The following PZP variants were observed in gnomAD, a reference collection of about 807,000 sequenced individuals.
The protein encoded by PZP is PZP alpha-2-macroglobulin like.
In PZP, 150 loss-of-function variants were observed where a neutral mutation model predicts 179.8. The ratio of observed to expected loss-of-function variants is 0.83; its 90% CI spans 0.73 to 0.96. The LOEUF (loss-of-function observed/expected upper bound fraction) is 0.96. Among genes scored for constraint, PZP ranks in the 40% least tolerant of loss-of-function variants. The pLI is 0.00. For synonymous variants in PZP, 624 were observed against 652.3 expected (o/e 0.96, Z 0.66); for missense variants, 1,689 against 1,764.0 (o/e 0.96, Z 0.76).
Position 9,203,778 on chromosome 12 carries a change from A to G in PZP, c.257T>C (p.Val86Ala). ...CACCGTAGCACTCACAGTGAAGGAG[A>G]CACAGTGGAATAAGTCCTTCTCCGC... ...LVAEKDLFHCVSFTLPRISAS... is the reference protein window; with the variant it reads ...LVAEKDLFHCASFTLPRISAS... The change falls in exon 2 of 36, where the codon GTC becomes GCC. Residue 86 changes from valine to alanine, a missense_variant. By Grantham distance (64) the Val-to-Ala change is moderately conservative. Around this residue, in one of 3 missense-constraint regions of PZP, gnomAD observed 742 missense variants for 730.5 expected, o/e 1.02. Coordinates refer to ENST00000261336, the MANE Select transcript of PZP (RefSeq NM_002864.3). 2 of 1,614,070 alleles carry G rather than the reference A, an allele frequency of 1.2e-6. No individual in the cohort carries two copies. The highest frequency in any genetic ancestry group is 1.7e-6 in the Non-Finnish European group (2 of 1,179,992).
chr12:9,176,973 G>C (rs983665492), intron 15 of PZP, among the ~76,000 whole-genome samples: 2 of 152,210 alleles, frequency 1.3e-5, no homozygotes, highest in Non-Finnish European at 2.9e-5. Flanking sequence ...ATTTTACAAT[G>C]AGAATCTCAG....
Position 9,160,415 on chromosome 12 carries a change from A to G in PZP, c.2948T>C (p.Met983Thr), listed in dbSNP as rs1294842683. 3.1e-6 allele frequency: 5 copies of G among 1,613,892 alleles called. No homozygotes were observed. Among genetic ancestry groups the G allele is most frequent in the Non-Finnish European group, 3.4e-6 (4 of 1,179,886 alleles). ...QMPYGCGEQN[M>T]VLFAPNIYVL... ...ATAGATGTTAGGAGCAAATAGGACC[A>G]TGTTCTGTTCTCCACAGCCATATGG... Residue 983 changes from methionine to threonine, a missense_variant, in exon 24 of 36, where the codon ATG becomes ACG. By Grantham distance (81) the Met-to-Thr change is moderately conservative (BLOSUM62 -1). Around this residue, in one of 3 missense-constraint regions of PZP, gnomAD observed 746 missense variants for 749.2 expected, o/e 1.00. Coordinates refer to ENST00000261336, the MANE Select transcript of PZP (RefSeq NM_002864.3).
At chr12:9,158,332 C>G in intron 26 of PZP, 88 bp downstream of exon 26, 1 of 1,522,316 alleles carries the variant, frequency 6.6e-7, no homozygotes, top group Non-Finnish European at 9.0e-7. Context: ...TTCATCTTTG[C>G]AATTTCCTTG....
chr12:9,180,336 C>T (rs767227562), intron 15 of PZP, among the ~76,000 whole-genome samples: 7 of 152,152 alleles, frequency 4.6e-5, no homozygotes, highest in South Asian at 2.1e-4. Context: ...GAGCCCGCAT[C>T]GCCAAGGCAA....
intron 28 of PZP, among the ~76,000 whole-genome samples, chr12:9,156,569 C>G (rs781285221): frequency 1.4e-4 from 21 of 152,282 alleles, no homozygotes. Flanking sequence ...TCTTTTCATT[C>G]AAGTAAGTAG....
chr12:9,194,930 C>T (rs768958845), intron 10 of PZP, among the ~76,000 whole-genome samples: 5 of 152,132 alleles, frequency 3.3e-5, no homozygotes, highest in East Asian at 1.9e-4. Context: ...TACTTCTCTG[C>T]GCTTCAGTTT....
chr12:9,207,153 A>G (rs1047219814), intron 1 of PZP, among the ~76,000 whole-genome samples: 4 of 152,190 alleles, frequency 2.6e-5, no homozygotes, highest in Admixed American at 1.3e-4. Context: ...TTTGTGTTAG[A>G]TGGATAAGGG....
intron 31 of PZP, 81 bp downstream of exon 31, chr12:9,152,743 G>T: frequency 7.1e-7 from 1 of 1,411,868 alleles, no homozygotes; most frequent in Non-Finnish European, 9.7e-7. Context: ...TAATAACATA[G>T]CTTCCAAATG....
At chr12:9,193,475 T>C (rs945493248) in intron 11 of PZP, among the ~76,000 whole-genome samples, 2 of 151,860 alleles carry the variant, frequency 1.3e-5, no homozygotes, top group Admixed American at 1.3e-4. Context: ...GTAGGGACAC[T>C]ATTTAGTCAC....
At chr12:9,206,628 G>C (rs1213543812) in intron 1 of PZP, among the ~76,000 whole-genome samples, 1 of 152,162 alleles carries the variant, frequency 6.6e-6, no homozygotes, top group African/African-American at 2.4e-5. Context: ...CAAGGCAGGG[G>C]AGAATGGCTA....
In PZP at chr12:9,163,637, C is replaced by T. The variant is rs1377038792; in HGVS notation, c.2736+31G>A. 6 of 1,608,554 alleles carry T rather than the reference C, an allele frequency of 3.7e-6. No homozygotes were observed. In the South Asian group the frequency reaches 5.5e-5, roughly 15 times the overall value. On this transcript the variant is annotated intron_variant, in intron 21 of 35. Transcript: ENST00000261336. The stretch of plus-strand genomic sequence containing the variant: ...GTGACCGCCCGGTGTTGCATTCTTA[C>T]AGTTGTTAGGGACTCCCAAAAATAT...
intron 13 of PZP, among the ~76,000 whole-genome samples, chr12:9,186,479 G>T (rs1943125842): frequency 1.3e-5 from 2 of 152,160 alleles, no homozygotes; most frequent in African/African-American, 4.8e-5. Context: ...GAAGAAGCAA[G>T]ACTCAGTGGT....
chr12:9,180,785 A>G (rs763179585), intron 15 of PZP, among the ~76,000 whole-genome samples, 198 bp downstream of exon 15: 73 of 152,352 alleles, frequency 4.8e-4, no homozygotes, highest in Admixed American at 3.7e-3. Context: ...GCAACAAAAG[A>G]CAAAATTGAC....
At position 9,192,633 on chromosome 12, in the gene PZP, T is replaced by G. The variant is rs140140094; in HGVS notation, c.1361A>C (p.Tyr454Ser). ...ACCAGCCACAGGCTCCAGGTGAATG[T>G]AACTTCCACTTAAGGAGAAAACACG... ...ANRVFSLSGSYIHLEPVAGTL... is the reference protein window; with the variant it reads ...ANRVFSLSGSSIHLEPVAGTL... The change falls in exon 12 of 36, where the codon TAC becomes TCC. Residue 454 changes from tyrosine to serine, a missense_variant. By Grantham distance (144) the Tyr-to-Ser change is moderately radical. Around this residue, in one of 3 missense-constraint regions of PZP, gnomAD observed 742 missense variants for 730.5 expected, o/e 1.02. Coordinates refer to ENST00000261336, the MANE Select transcript of PZP (RefSeq NM_002864.3). 1,371 of 1,614,096 alleles carry G rather than the reference T, an allele frequency of 8.5e-4. 9 individuals carry two copies. In the African/African-American group the frequency reaches 0.014, roughly 17 times the overall value.
chr12:9,153,111 G>A lies in PZP; in HGVS notation c.3993+14C>T, dbSNP rs1157981244. ...TTAAAGTTGACTCTCACCCATATAA[G>A]CTTGGAGCCCTACCTGAAGATACAC... On this transcript the variant is annotated intron_variant, in intron 30 of 35. Transcript: ENST00000261336. The A allele has an allele frequency of 6.2e-6, 10 of 1,612,972 alleles. No individual in the cohort carries two copies. Among genetic ancestry groups the A allele is most frequent in the Non-Finnish European group, 8.5e-6 (10 of 1,179,100 alleles).
At chr12:9,152,788 G>T (rs780608216) in intron 31 of PZP, 36 bp downstream of exon 31, 1 of 1,591,880 alleles carries the variant, frequency 6.3e-7, no homozygotes, top group African/African-American at 1.3e-5. Flanking sequence ...AGTTGCTTTT[G>T]GGCCAAAGAT....
At chr12:9,204,875 A>G (rs758462720) in intron 1 of PZP, among the ~76,000 whole-genome samples, 2 of 152,098 alleles carry the variant, frequency 1.3e-5, no homozygotes, top group Admixed American at 6.5e-5. Context: ...CAGGAGAGTC[A>G]CTTGAGGCCA....
rs758894104 is a variant in PZP, at chr12:9,153,147, C to G, written c.3971G>C (p.Gly1324Ala). 6.2e-7 allele frequency: 1 copy of G among 1,614,118 alleles called. No individual in the cohort carries two copies. The highest frequency in any genetic ancestry group is 1.7e-5 in the Admixed American group (1 of 60,024). The change falls in exon 30 of 36, where the codon GGG (glycine) becomes GCG (alanine). Residue 1324 changes from glycine to alanine, a missense_variant. This residue lies in a region of PZP where 746 missense variants were observed against 749.2 expected (regional missense o/e 1.00). Coordinates refer to ENST00000261336, the MANE Select transcript of PZP (RefSeq NM_002864.3). The stretch of plus-strand genomic sequence containing the variant: ...TACCTGAAGATACACACATCTTTCC[C>G]CAGTTACTGTTATGACATATTCTCC... ...LPGEYVITVT[G>A]ERCVYLQTSM...
At chr12:9,185,277 G>A (rs11049314) in intron 13 of PZP, among the ~76,000 whole-genome samples, 5 of 152,272 alleles carry the variant, frequency 3.3e-5, no homozygotes, top group South Asian at 2.1e-4. Flanking sequence ...CAAGAATTTC[G>A]TAATGCAATC....
Sources: gnomAD v4.1 joint callset for allele counts (sites outside exome capture counted in the v4.1 genomes callset) on GRCh38, gnomAD v4.1.1 for gene constraint, gnomAD v4.1.1 regional missense constraint, MANE v1.5 for transcripts, NCBI Gene and HGNC (gene_info 2026-07-23, HGNC 2026-07-21) for gene names.